Variants in STK32B observed in about 807,000 individuals in gnomAD.
STK32B encodes the protein serine/threonine kinase 32B.
Under a neutral mutation model 52.6 loss-of-function variants are expected in STK32B, and 43 were observed. The ratio of observed to expected loss-of-function variants is 0.82; its 90% CI spans 0.64 to 1.05. The LOEUF (loss-of-function observed/expected upper bound fraction) is 1.05, where lower values mean the gene tolerates loss of function less well. Ranked by LOEUF, STK32B falls within the 50% of genes least tolerant of loss-of-function variation. The pLI, the probability that STK32B is intolerant of heterozygous loss-of-function variation, is 0.00. For missense variants in STK32B, 621 were observed against 534.6 expected (o/e 1.16, Z -1.59); for synonymous variants, 238 against 204.3 (o/e 1.17, Z -1.41).
chr4:5,071,867 T>C (rs1303570859), intron 1 of STK32B, among the ~76,000 whole-genome samples: 12 of 152,330 alleles, frequency 7.9e-5, no homozygotes, highest in Non-Finnish European at 1.8e-4. Context: ...TTCTGTGATA[T>C]GATGGGTAGG....
chr4:5,446,607 T>C, intron 6 of STK32B, 66 bp from the exon 7 acceptor site: 2 of 1,252,108 alleles, frequency 1.6e-6, no homozygotes, highest in Non-Finnish European at 2.3e-6. Context: ...CCTTGTCCCC[T>C]CTCTAAGGGG....
At chr4:5,333,644 A>G (rs1255486134) in intron 4 of STK32B, among the ~76,000 whole-genome samples, 1 of 152,054 alleles carries the variant, frequency 6.6e-6, no homozygotes, top group African/African-American at 2.4e-5. Flanking sequence ...TTTTTGAATT[A>G]ATTTTTGTAT....
intron 3 of STK32B, among the ~76,000 whole-genome samples, chr4:5,323,788 C>G (rs1298336987): frequency 6.6e-6 from 1 of 152,118 alleles, no homozygotes; most frequent in African/African-American, 2.4e-5. Flanking sequence ...TTAGCTAGGT[C>G]CCTGCACTCA....
intron 1 of STK32B, among the ~76,000 whole-genome samples, chr4:5,069,138 G>T (rs539850856): frequency 6.6e-6 from 1 of 151,912 alleles, no homozygotes; most frequent in South Asian, 2.1e-4. Flanking sequence ...AGGTCTGCAA[G>T]GTATGCCCAG....
chr4:5,050,735 C>T (rs1263204149), upstream of STK32B, among the ~76,000 whole-genome samples: 1 of 152,182 alleles, frequency 6.6e-6, no homozygotes, highest in Non-Finnish European at 1.5e-5. Flanking sequence ...GCTCGCCCCA[C>T]ACGTCTTGGG....
the STK32B span, among the ~76,000 whole-genome samples, chr4:5,023,653 T>G: frequency 8.5e-5 from 13 of 152,350 alleles, no homozygotes; most frequent in Admixed American, 3.9e-4. Context: ...CAACTCTCTT[T>G]TGGAGCTACC....
chr4:5,299,846 A>C (rs1440188417), intron 3 of STK32B, among the ~76,000 whole-genome samples: 1 of 152,200 alleles, frequency 6.6e-6, no homozygotes, highest in Non-Finnish European at 1.5e-5. Flanking sequence ...ATTAACAGCC[A>C]AATTCTACCA....
At chr4:5,262,261 C>G (rs1287915006) in intron 3 of STK32B, among the ~76,000 whole-genome samples, 1 of 152,096 alleles carries the variant, frequency 6.6e-6, no homozygotes, top group Non-Finnish European at 1.5e-5. Context: ...ATGTAGCATC[C>G]TCTCTCCCTT....
chr4:5,496,203 A>T (rs567013240), intron 11 of STK32B, among the ~76,000 whole-genome samples: 1 of 152,188 alleles, frequency 6.6e-6, no homozygotes, highest in Non-Finnish European at 1.5e-5. Context: ...GAGGCAGGCA[A>T]GCCTCCTTGA....
the STK32B span, among the ~76,000 whole-genome samples, chr4:5,045,304 C>T: frequency 6.6e-6 from 1 of 152,218 alleles, no homozygotes; most frequent in African/African-American, 2.4e-5. Context: ...AAGTCATGTG[C>T]CCTCCTGCCT....
At chr4:5,030,106 C>T in the STK32B span, among the ~76,000 whole-genome samples, 5 of 152,314 alleles carry the variant, frequency 3.3e-5, no homozygotes, top group East Asian at 9.7e-4. Context: ...GTCAGTGAAA[C>T]CTCTTTCCTT....
chr4:5,376,122 T>C (rs1053696194), intron 4 of STK32B, among the ~76,000 whole-genome samples: 7 of 152,192 alleles, frequency 4.6e-5, no homozygotes, highest in Non-Finnish European at 7.3e-5. Flanking sequence ...TTCCAGGTCC[T>C]GTGGGGGTGC....
intron 3 of STK32B, among the ~76,000 whole-genome samples, chr4:5,226,715 G>T (rs1478465442): frequency 6.6e-6 from 1 of 152,184 alleles, no homozygotes; most frequent in African/African-American, 2.4e-5. Context: ...ATGCCAAAAA[G>T]AAGCCAAATA....
chr4:5,482,289 G>A (rs1004140483), intron 11 of STK32B, among the ~76,000 whole-genome samples: 1 of 152,164 alleles, frequency 6.6e-6, no homozygotes, highest in Non-Finnish European at 1.5e-5. Context: ...TCTTCTTGAA[G>A]AGGTTCTTCA....
intron 3 of STK32B, among the ~76,000 whole-genome samples, chr4:5,217,589 G>A (rs1327280156): frequency 6.6e-6 from 1 of 152,208 alleles, no homozygotes; most frequent in African/African-American, 2.4e-5. Context: ...TATTTATGGG[G>A]AGTTGCTTAG....
chr4:5,387,560 T>C (rs1345466122), intron 4 of STK32B, among the ~76,000 whole-genome samples: 8 of 151,944 alleles, frequency 5.3e-5, no homozygotes, highest in African/African-American at 9.7e-5. Context: ...AGGCAGAGAT[T>C]GGGGCCTGGA....
intron 3 of STK32B, among the ~76,000 whole-genome samples, chr4:5,216,633 G>A (rs1430623414): frequency 6.6e-6 from 1 of 152,186 alleles, no homozygotes; most frequent in Non-Finnish European, 1.5e-5. Context: ...GCAGAGGGAA[G>A]ATGGGCAGTG....
rs1716953278 is a variant in STK32B, at chr4:5,460,556, G to A, written c.909+328G>A. 6.6e-6 allele frequency among the ~76,000 whole-genome samples: 1 copy of A among 152,176 alleles called. No homozygotes were observed. Among genetic ancestry groups the A allele is most frequent in the South Asian group, 2.1e-4 (1 of 4,824 alleles). ...TCCACAGAGCTGACTGCCGAGTAGA[G>A]GAAGACAGGCAATGACCTACCCCGA... On this transcript the variant is annotated intron_variant, in intron 9 of 11. Transcript: ENST00000282908. The surrounding 1 kb of genome is among the most constrained non-coding windows in gnomAD (Gnocchi z 4.8).
chr4:5,057,699 A>T (rs1560129614), intron 1 of STK32B, among the ~76,000 whole-genome samples: 1 of 152,240 alleles, frequency 6.6e-6, no homozygotes, highest in Non-Finnish European at 1.5e-5. Flanking sequence ...TAGCAGGATC[A>T]AACAGCATAA....
Sources: gnomAD v4.1 joint callset for allele counts (sites outside exome capture counted in the v4.1 genomes callset) on GRCh38, gnomAD v4.1.1 for gene constraint, Gnocchi (gnomAD v3.1) non-coding constraint, MANE v1.5 for transcripts, NCBI Gene and HGNC (gene_info 2026-07-23, HGNC 2026-07-21) for gene names.